ZNF2: variants seen among roughly 807,000 people sequenced by gnomAD.
ZNF2 encodes the protein zinc finger protein 2.2.
Under a neutral mutation model 21.9 loss-of-function variants are expected in ZNF2, and 12 were observed. The ratio of observed to expected loss-of-function variants is 0.55; its 90% CI spans 0.35 to 0.89. ZNF2 has a LOEUF of 0.89. ZNF2 is among the 40% of genes least tolerant of loss of function. The pLI is 0.01. For synonymous variants in ZNF2, 186 were observed against 196.3 expected (o/e 0.95, Z 0.44); for missense variants, 462 against 544.2 (o/e 0.85, Z 1.50).
At chr2:95,167,966 A>G (rs1205864508) in intron 1 of ZNF2, among the ~76,000 whole-genome samples, 1 of 152,110 alleles carries the variant, frequency 6.6e-6, no homozygotes, top group Non-Finnish European at 1.5e-5. Flanking sequence ...GTAGGTTATT[A>G]TTCTCCAAAA....
In ZNF2 at chr2:95,176,268, G is replaced by C; in HGVS notation, c.33+9G>C. On this transcript the variant is annotated intron_variant, in intron 2 of 4. Coordinates refer to ENST00000614034, the MANE Select transcript of ZNF2 (RefSeq NM_021088.4). The stretch of plus-strand genomic sequence containing the variant: ...CGACCACCAGATGCCAGGTGAGGTG[G>C]ACTTTTGTGTTCCCGAAATACTCCA... The C allele has an allele frequency of 6.2e-7, 1 of 1,614,130 alleles. No homozygotes were observed. The highest frequency in any genetic ancestry group is 1.1e-5 in the South Asian group (1 of 91,084).
At chr2:95,179,993 G>T (rs541375249) in intron 3 of ZNF2, among the ~76,000 whole-genome samples, 166 bp from the exon 4 acceptor site, 1 of 152,326 alleles carries the variant, frequency 6.6e-6, no homozygotes, top group Admixed American at 6.5e-5. Context: ...GGAGATGGAG[G>T]TTGCAGTGAG....
chr2:95,167,411 C>T (rs1373935118), intron 1 of ZNF2, among the ~76,000 whole-genome samples: 3 of 144,606 alleles, frequency 2.1e-5, no homozygotes, highest in African/African-American at 7.8e-5. Flanking sequence ...GAGGCTGAGG[C>T]AGGAGAATGG....
At chr2:95,180,707 G>A (rs1320366620) in intron 4 of ZNF2, among the ~76,000 whole-genome samples, 2 of 151,968 alleles carry the variant, frequency 1.3e-5, no homozygotes, top group Non-Finnish European at 2.9e-5. Context: ...ATGGGGTTTC[G>A]CCATGATGGC....
In ZNF2 at chr2:95,181,861, G is replaced by A. The variant is rs192991676; in HGVS notation, c.1033G>A (p.Glu345Lys). ...HAGDPRYQCN[E>K]CGKAFFDRSS... ...TGGGGACCCTCGCTATCAGTGTAAC[G>A]AGTGTGGCAAAGCTTTCTTTGACCG... The change falls in exon 5 of 5, where the codon GAG (glutamate) becomes AAG (lysine). Residue 345 changes from glutamate (E) to lysine (K), a missense_variant. Transcript: ENST00000614034. 7.4e-6 allele frequency: 12 copies of A among 1,614,164 alleles called. No homozygotes were observed. The highest frequency in any genetic ancestry group is 4.5e-5 in the East Asian group (2 of 44,880).
At chr2:95,173,551 C>A (rs1157089420) in intron 1 of ZNF2, among the ~76,000 whole-genome samples, 2 of 152,332 alleles carry the variant, frequency 1.3e-5, no homozygotes, top group African/African-American at 4.8e-5. Context: ...ACCTCAGATT[C>A]TTACAAAGCC....
chr2:95,177,473 G>T lies in ZNF2; in HGVS notation c.34-10G>T. The stretch of plus-strand genomic sequence containing the variant: ...ATTAAGAGTAAGGGAGAATGTGATT[G>T]TATTTTCAGGAATCAGTGACATTCG... On this transcript the variant is annotated splice_polypyrimidine_tract_variant and intron_variant, in intron 2 of 4. Coordinates refer to ENST00000614034, the MANE Select transcript of ZNF2 (RefSeq NM_021088.4). The T allele has an allele frequency of 6.2e-7, 1 of 1,613,236 alleles. No individual in the cohort carries two copies. The highest frequency in any genetic ancestry group is 8.5e-7 in the Non-Finnish European group (1 of 1,179,510).
intron 1 of ZNF2, among the ~76,000 whole-genome samples, chr2:95,174,059 T>C (rs1484387006): frequency 6.6e-6 from 1 of 152,218 alleles, no homozygotes; most frequent in East Asian, 1.9e-4. Context: ...GGCCATAAAT[T>C]ATTTAACCAA....
intron 4 of ZNF2, 120 bp from the exon 5 acceptor site, chr2:95,180,979 ACTAT>A (rs1347286203): frequency 8.3e-6 from 10 of 1,199,008 alleles, no homozygotes; most frequent in Non-Finnish European, 1.2e-5. Context: ...GCCGTGTAAG[ACTAT>A]CTATGGGAGC....
chr2:95,182,355 G>A lies in ZNF2; in HGVS notation c.*249G>A. ...TCAGACAATAGGATAGATGTTAGGA[G>A]GAGACACACCTCTTGTCTGAGAACC... On this transcript the variant is annotated 3_prime_UTR_variant, in exon 5 of 5. Transcript: ENST00000614034. The A allele has an allele frequency of 2.3e-6, 1 of 431,454 alleles. No individual in the cohort carries two copies. Among genetic ancestry groups the A allele is most frequent in the South Asian group, 4.3e-5 (1 of 23,198 alleles). The allele number at this position is 431,454 out of a possible 1,614,324, so 26.7% of individuals were successfully genotyped here.
At chr2:95,167,361 C>G (rs1674102721) in intron 1 of ZNF2, among the ~76,000 whole-genome samples, 1 of 151,576 alleles carries the variant, frequency 6.6e-6, no homozygotes, top group Non-Finnish European at 1.5e-5. Context: ...AAAAAATTAG[C>G]CGGGCGTGGT....
chr2:95,165,988 G>A (rs1428190582), intron 1 of ZNF2, 128 bp downstream of exon 1: 1 of 152,200 alleles, frequency 6.6e-6, no homozygotes, highest in African/African-American at 2.4e-5. Context: ...AGCCTGCAGA[G>A]CGTGTGTCGC....
chr2:95,180,894 T>C (rs1197960490), intron 4 of ZNF2, among the ~76,000 whole-genome samples: 3 of 152,180 alleles, frequency 2.0e-5, no homozygotes, highest in Admixed American at 1.3e-4. Flanking sequence ...CTGGACATTC[T>C]CCTGTTTTCT....
chr2:95,172,354 C>T (rs564469049), intron 1 of ZNF2, among the ~76,000 whole-genome samples: 1 of 152,236 alleles, frequency 6.6e-6, no homozygotes, highest in South Asian at 2.1e-4. Flanking sequence ...GGCCAGCATG[C>T]AAGCAGAACT....
chr2:95,173,166 CTTA>C (rs1674339009), intron 1 of ZNF2, among the ~76,000 whole-genome samples: 1 of 151,800 alleles, frequency 6.6e-6, no homozygotes, highest in Non-Finnish European at 1.5e-5. Context: ...CATTCTATAA[CTTA>C]TTTTTTGCCC....
At chr2:95,175,398 G>A (rs756440440) in intron 1 of ZNF2, among the ~76,000 whole-genome samples, 6 of 152,154 alleles carry the variant, frequency 3.9e-5, no homozygotes, top group Non-Finnish European at 7.3e-5. Flanking sequence ...GTGTTTCACC[G>A]CTGATGGGAC....
At chr2:95,174,302 A>G (rs187133093) in intron 1 of ZNF2, among the ~76,000 whole-genome samples, 2 of 152,280 alleles carry the variant, frequency 1.3e-5, no homozygotes, top group Admixed American at 6.5e-5. Flanking sequence ...GGCCCTTGCT[A>G]TAAGTCACAG....
rs768910037 is a variant in ZNF2, at chr2:95,181,950, C to T, written c.1122C>T (p.Cys374=). Residue 374 remains cysteine (C), a synonymous_variant, in exon 5 of 5, where the codon TGC becomes TGT. Coordinates refer to ENST00000614034, the MANE Select transcript of ZNF2 (RefSeq NM_021088.4). ...TGDKPYECSE[C]GKAFSQRCRL... The stretch of plus-strand genomic sequence containing the variant: ...ACAAGCCATATGAATGCAGCGAATG[C>T]GGGAAAGCCTTTAGCCAGCGGTGCC... 12 of 1,614,146 alleles carry T rather than the reference C, an allele frequency of 7.4e-6. No homozygotes were observed. The highest frequency in any genetic ancestry group is 3.3e-4 in the Middle Eastern group (2 of 6,084).
chr2:95,171,362 T>C (rs1344533242), intron 1 of ZNF2, among the ~76,000 whole-genome samples: 1 of 151,846 alleles, frequency 6.6e-6, no homozygotes, highest in Non-Finnish European at 1.5e-5. Flanking sequence ...GCCAGTGTAT[T>C]GTCTGTTTTT....
Sources: gnomAD v4.1 joint callset for allele counts (sites outside exome capture counted in the v4.1 genomes callset) on GRCh38, gnomAD v4.1.1 for gene constraint, MANE v1.5 for transcripts, NCBI Gene and HGNC (gene_info 2026-07-23, HGNC 2026-07-21) for gene names.